IMMP2L: variants seen among roughly 807,000 people sequenced by gnomAD.
IMMP2L encodes inner mitochondrial membrane peptidase subunit 2, also known as mitochondrial inner membrane protease subunit 2.
IMMP2L carries 18 observed loss-of-function variants against 19.3 expected under a neutral mutation model. That is an observed-to-expected ratio of 0.93 (90% confidence interval 0.64 to 1.38). The LOEUF is 1.38. Among genes scored for constraint, IMMP2L ranks in the 40% most tolerant of loss-of-function variants. The pLI is 0.00. For missense variants in IMMP2L, 233 were observed against 218.2 expected (o/e 1.07, Z -0.43); for synonymous variants, 76 against 73.0 (o/e 1.04, Z -0.21).
At chr7:110,791,053 A>T (rs926535118) in intron 5 of IMMP2L, among the ~76,000 whole-genome samples, 1 of 151,540 alleles carries the variant, frequency 6.6e-6, no homozygotes, top group Non-Finnish European at 1.5e-5. Flanking sequence ...TGCCCATGAA[A>T]ACATAGCTCT....
intron 1 of IMMP2L, among the ~76,000 whole-genome samples, chr7:111,541,226 T>C (rs1848481471): frequency 1.3e-5 from 2 of 152,160 alleles, no homozygotes; most frequent in African/African-American, 2.4e-5. Context: ...ATTATCATCA[T>C]CAATACACCC....
chr7:111,169,532 C>T (rs1806202877), intron 3 of IMMP2L, among the ~76,000 whole-genome samples: 1 of 151,824 alleles, frequency 6.6e-6, no homozygotes, highest in African/African-American at 2.4e-5. Flanking sequence ...TGTCCCACGC[C>T]TCTCTCTTGC....
chr7:110,786,471 G>A (rs1033640412), intron 5 of IMMP2L, among the ~76,000 whole-genome samples: 1 of 151,900 alleles, frequency 6.6e-6, no homozygotes, highest in Non-Finnish European at 1.5e-5. Flanking sequence ...CACTTCACTG[G>A]AAAATGGAGG....
chr7:110,958,223 C>T (rs773156937), intron 4 of IMMP2L, among the ~76,000 whole-genome samples: 13 of 151,944 alleles, frequency 8.6e-5, no homozygotes, highest in East Asian at 1.9e-4. Flanking sequence ...AGAGTATAAA[C>T]GTACACAAAC....
intron 5 of IMMP2L, among the ~76,000 whole-genome samples, chr7:110,882,178 C>T (rs1809707840): frequency 6.6e-6 from 1 of 152,114 alleles, no homozygotes; most frequent in Non-Finnish European, 1.5e-5. Flanking sequence ...AGAAGGCTCA[C>T]AGGTTCAGTG....
intron 3 of IMMP2L, among the ~76,000 whole-genome samples, chr7:111,127,599 T>C (rs1801442403): frequency 6.6e-6 from 1 of 152,138 alleles, no homozygotes; most frequent in Admixed American, 6.6e-5. Flanking sequence ...TCAATGAGAA[T>C]GGTGTTTCAT....
intron 3 of IMMP2L, among the ~76,000 whole-genome samples, chr7:111,228,964 T>TGC (rs1362826279): frequency 9.4e-6 from 1 of 106,478 alleles, no homozygotes; most frequent in South Asian, 2.9e-4. Flanking sequence ...ACACTAGCAA[T>TGC]GCGTGTGTGT....
intron 5 of IMMP2L, among the ~76,000 whole-genome samples, chr7:110,837,622 C>T (rs1051291194): frequency 1.1e-4 from 16 of 151,744 alleles, no homozygotes; most frequent in Non-Finnish European, 1.8e-4. Flanking sequence ...TATTGCTGCC[C>T]GCCATCATTT....
At chr7:111,559,799 G>A (rs1323087873) in intron 1 of IMMP2L, among the ~76,000 whole-genome samples, 1 of 152,002 alleles carries the variant, frequency 6.6e-6, no homozygotes, top group Non-Finnish European at 1.5e-5. Flanking sequence ...TGTTTTGATG[G>A]ATAAGAAATC....
intron 3 of IMMP2L, among the ~76,000 whole-genome samples, chr7:111,286,475 ACT>A (rs1820497054): frequency 6.6e-6 from 1 of 152,086 alleles, no homozygotes; most frequent in Admixed American, 6.6e-5. Flanking sequence ...AAGGGCCAAA[ACT>A]CTACGATGAT....
intron 3 of IMMP2L, among the ~76,000 whole-genome samples, chr7:111,386,941 T>C (rs950598597): frequency 1.3e-4 from 20 of 152,188 alleles, no homozygotes; most frequent in African/African-American, 4.6e-4. Flanking sequence ...AAAAGAGATT[T>C]AAACAAGATA....
At position 110,757,511 on chromosome 7, in the gene IMMP2L, A is replaced by G. The variant is rs1798104092; in HGVS notation, c.409-93790T>C. The stretch of plus-strand genomic sequence containing the variant: ...CCCAGGAGGTTATGTGGATTGTAGT[A>G]GTGGGCTCCTTTGCCCTCTGGCTTC... On this transcript the variant is annotated intron_variant, in intron 5 of 5. Transcript: ENST00000405709. The surrounding 1 kb of genome is among the most constrained non-coding windows in gnomAD (Gnocchi z 4.2). 6.6e-6 allele frequency among the ~76,000 whole-genome samples: 1 copy of G among 152,068 alleles called. No individual in the cohort carries two copies. Among genetic ancestry groups the G allele is most frequent in the South Asian group, 2.1e-4 (1 of 4,832 alleles).
chr7:110,963,988 T>TTCCCTCATGTTGTTC (rs553707142), intron 3 of IMMP2L, among the ~76,000 whole-genome samples: 5 of 17,390 alleles, frequency 2.9e-4, no homozygotes, highest in Non-Finnish European at 6.5e-4. Flanking sequence ...TGGGGTTGGA[T>TTCCCTCATGTTGTTC]TCCCTCATGT....
intron 3 of IMMP2L, among the ~76,000 whole-genome samples, chr7:110,994,507 T>C (rs1011846023): frequency 1.3e-5 from 2 of 152,086 alleles, no homozygotes; most frequent in African/African-American, 4.8e-5. Flanking sequence ...TTAAAAGAAG[T>C]ATGCCCTCCG....
chr7:111,106,243 C>CA (rs1170187762), intron 3 of IMMP2L, among the ~76,000 whole-genome samples: 1 of 151,912 alleles, frequency 6.6e-6, no homozygotes, highest in Non-Finnish European at 1.5e-5. Flanking sequence ...GTACCTGGAA[C>CA]ACTCAAAGCC....
At chr7:110,839,051 T>G (rs999519427) in intron 5 of IMMP2L, among the ~76,000 whole-genome samples, 2 of 152,258 alleles carry the variant, frequency 1.3e-5, no homozygotes, top group Middle Eastern at 3.4e-3. Context: ...TATGTTAGTT[T>G]AACAACAAAT....
chr7:111,020,478 T>C (rs979851085), intron 3 of IMMP2L, among the ~76,000 whole-genome samples: 2 of 150,324 alleles, frequency 1.3e-5, no homozygotes, highest in African/African-American at 4.9e-5. Context: ...ATTGGAGTTG[T>C]TGGCCGGGCA....
intron 3 of IMMP2L, among the ~76,000 whole-genome samples, chr7:111,420,497 G>C (rs1344730207): frequency 2.0e-5 from 3 of 151,612 alleles, no homozygotes; most frequent in Admixed American, 1.3e-4. Context: ...ATCTTGGTTT[G>C]CTGCATCCAT....
At chr7:111,264,335 G>A (rs530103023) in intron 3 of IMMP2L, among the ~76,000 whole-genome samples, 7 of 152,178 alleles carry the variant, frequency 4.6e-5, no homozygotes, top group African/African-American at 1.7e-4. Flanking sequence ...TCCAGATTTA[G>A]GTCTATAAGC....
Sources: gnomAD v4.1 joint callset for allele counts (sites outside exome capture counted in the v4.1 genomes callset) on GRCh38, gnomAD v4.1.1 for gene constraint, Gnocchi (gnomAD v3.1) non-coding constraint, MANE v1.5 for transcripts, NCBI Gene and HGNC (gene_info 2026-07-23, HGNC 2026-07-21) for gene names.